The following CDC6 variants were observed in gnomAD, a reference collection of about 807,000 sequenced individuals.
CDC6 encodes DNA replication factor CDC6.
A neutral mutation model predicts 60.2 loss-of-function variants in CDC6; 46 were observed. The ratio of observed to expected loss-of-function variants is 0.76; its 90% CI spans 0.60 to 0.98. CDC6 has a LOEUF of 0.98. CDC6 is among the 50% of genes least tolerant of loss of function. The pLI is 0.00. For missense variants in CDC6, 596 were observed against 652.9 expected, an observed-to-expected ratio of 0.91 and a Z score of 0.95; for synonymous variants, 210 against 233.2, an observed-to-expected ratio of 0.90 and a Z score of 0.90.
Position 40,293,641 on chromosome 17 carries a change from G to T in CDC6, c.836+10G>T. The T allele has an allele frequency of 6.2e-7, 1 of 1,601,958 alleles. No individual in the cohort carries two copies. Among genetic ancestry groups the T allele is most frequent in the Non-Finnish European group, 8.6e-7 (1 of 1,168,956 alleles). On this transcript the variant is annotated intron_variant, in intron 5 of 11. Transcript: ENST00000209728. ...AGAAGGGCCCCATGATGTAAGTATT[G>T]TTCTGCTTCATGTTGCTCTGTGAAA...
Position 40,291,506 on chromosome 17 carries a change from A to C in CDC6, c.498A>C (p.Thr166=), listed in dbSNP as rs762790451. ...CYQQAKLVLN[T]AVPDRLPARE... is the part of the protein sequence containing the mutation. ...AGCAAGCAAAGCTGGTCCTGAACACAGCTGTCCCAGATCGGCTGCCTGCCA... is the reference window on the plus strand; with the variant it reads ...AGCAAGCAAAGCTGGTCCTGAACACCGCTGTCCCAGATCGGCTGCCTGCCA... Residue 166 remains threonine (T), a synonymous_variant, in exon 4 of 12, where the codon ACA becomes ACC. Transcript: ENST00000209728. 5.6e-6 allele frequency: 9 copies of C among 1,614,244 alleles called. No homozygotes were observed. In the Admixed American group the frequency reaches 1.3e-4, roughly 24 times the overall value.
chr17:40,290,646 T>A (rs1453690407), intron 2 of CDC6, among the ~76,000 whole-genome samples: 1 of 152,176 alleles, frequency 6.6e-6, no homozygotes, highest in Non-Finnish European at 1.5e-5. Context: ...ACATATACTG[T>A]GTTTTTGATT....
chr17:40,296,052 A>G (rs1210752650), intron 8 of CDC6, among the ~76,000 whole-genome samples: 1 of 152,130 alleles, frequency 6.6e-6, no homozygotes, highest in Non-Finnish European at 1.5e-5. Flanking sequence ...CAGAAGACCC[A>G]GGTCTGGCTT....
In CDC6 at chr17:40,297,046, A is replaced by G. The variant is rs374754778; in HGVS notation, c.1249+279A>G. ...GCTCTGGAAATGAAACTTGTAGACA[A>G]TGAGGTTGGATCAGCTCTCTGGGTG... On this transcript the variant is annotated intron_variant, in intron 9 of 11. Coordinates refer to ENST00000209728, the MANE Select transcript of CDC6 (RefSeq NM_001254.4). Among the ~76,000 whole-genome samples, 104 of 152,278 alleles carry G rather than the reference A, an allele frequency of 6.8e-4. No homozygotes were observed. Among genetic ancestry groups the G allele is most frequent in the Non-Finnish European group, 1.0e-3 (68 of 68,018 alleles).
intron 7 of CDC6, among the ~76,000 whole-genome samples, chr17:40,294,743 T>A (rs1217972013): frequency 6.6e-6 from 1 of 151,468 alleles, no homozygotes; most frequent in Admixed American, 6.6e-5. Context: ...TTTTTTTTTT[T>A]AGATGAGTTT....
chr17:40,292,993 C>G (rs1158623470), intron 4 of CDC6, among the ~76,000 whole-genome samples: 1 of 151,356 alleles, frequency 6.6e-6, no homozygotes, highest in African/African-American at 2.4e-5. Flanking sequence ...AATTCCAACA[C>G]TTTGGGAGGC....
chr17:40,300,947 T>G lies in CDC6; in HGVS notation c.1369T>G (p.Phe457Val). Residue 457 changes from phenylalanine (F) to valine (V), a missense_variant, in exon 10 of 12, where the codon TTC becomes GTC. Phe to Val is a conservative substitution (Grantham distance 50, BLOSUM62 -1). Coordinates refer to ENST00000209728, the MANE Select transcript of CDC6 (RefSeq NM_001254.4). ...TLSQEGAQDS[F>V]PLQQKILVCS... The stretch of plus-strand genomic sequence containing the variant: ...GAGCCAAGAAGGAGCACAAGATTCC[T>G]TCCCTCTTCAGCAGAAGATCTTGGT... 6.2e-7 allele frequency: 1 copy of G among 1,613,940 alleles called. No homozygotes were observed. Among genetic ancestry groups the G allele is most frequent in the Non-Finnish European group, 8.5e-7 (1 of 1,179,786 alleles).
At chr17:40,297,476 TG>T (rs2032874964) in intron 9 of CDC6, among the ~76,000 whole-genome samples, 2 of 151,922 alleles carry the variant, frequency 1.3e-5, no homozygotes, top group South Asian at 2.1e-4. Flanking sequence ...CGGAGGCTGT[TG>T]GGGGTGGAGG....
Position 40,291,605 on chromosome 17 carries a change from C to G in CDC6, c.597C>G (p.Tyr199Ter), listed in dbSNP as rs200468440. ...HICGKKAGSL[Y>*]LSGAPGTGKT... is the part of the protein sequence containing the mutation. The stretch of plus-strand genomic sequence containing the variant: ...GTGGGAAAAAAGCTGGAAGCCTTTA[C>G]CTTTCTGGTGCTCCTGGAACTGGAA... The change falls in exon 4 of 12, where the codon TAC becomes TAG. Residue 199 changes from tyrosine to a stop codon, truncating the protein, a stop_gained. Coordinates refer to ENST00000209728, the MANE Select transcript of CDC6 (RefSeq NM_001254.4). LOFTEE classifies it high-confidence loss of function. 134 of 1,614,224 alleles carry G rather than the reference C, an allele frequency of 8.3e-5. No homozygotes were observed. The highest frequency in any genetic ancestry group is 1.1e-4 in the Non-Finnish European group (127 of 1,180,036).
chr17:40,293,698 A>G lies in CDC6; in HGVS notation c.836+67A>G. The G allele has an allele frequency of 4.0e-6, 5 of 1,240,992 alleles. No individual in the cohort carries two copies. The South Asian group carries it at 4.9e-5, about 12-fold the overall frequency. The allele number at this position is 1,240,992 out of a possible 1,614,324, so 76.9% of individuals were successfully genotyped here. ...AAGGTCTGTTGCCCATAAAAAGTAC[A>G]TTTTGTATATTTTCTCTCTGAAGGA... On this transcript the variant is annotated intron_variant, in intron 5 of 11. Coordinates refer to ENST00000209728, the MANE Select transcript of CDC6 (RefSeq NM_001254.4).
rs1314209577 is a variant in CDC6, at chr17:40,304,081, A to G, written c.*2080A>G. On this transcript the variant is annotated 3_prime_UTR_variant, in exon 12 of 12. Coordinates refer to ENST00000209728, the MANE Select transcript of CDC6 (RefSeq NM_001254.4). ...ACATTGGTAGATTCAAAGGGGCCAA[A>G]TTTCTTTCCCCTCTATCTTTCCCTT... 1 of 152,226 alleles carries G rather than the reference A, an allele frequency of 6.6e-6. No individual in the cohort carries two copies. Among genetic ancestry groups the G allele is most frequent in the Non-Finnish European group, 1.5e-5 (1 of 68,044 alleles). 9.4% of individuals were successfully genotyped at this position (152,226 alleles called of 1,614,324 possible). A position where few individuals can be genotyped will look rare whatever the true frequency, so the allele number is the denominator to read the frequency against.
At position 40,301,990 on chromosome 17, in the gene CDC6, G is replaced by T; in HGVS notation, c.1672G>T (p.Gly558Ter). ...TTTAATTGGAAATATCTTAGCTACTGGATTGCCTTAAATTCTTCTCTTACA... is the reference window on the plus strand; with the variant it reads ...TTTAATTGGAAATATCTTAGCTACTTGATTGCCTTAAATTCTTCTCTTACA... ...KALIGNILAT[G>*]LP The change falls in exon 12 of 12, where the codon GGA (glycine) becomes TGA (stop). Residue 558 changes from glycine to a stop codon, truncating the protein, a stop_gained. Transcript: ENST00000209728. LOFTEE classifies it high-confidence loss of function. 1 of 1,576,810 alleles carries T rather than the reference G, an allele frequency of 6.3e-7. No homozygotes were observed. The highest frequency in any genetic ancestry group is 8.7e-7 in the Non-Finnish European group (1 of 1,146,126).
At position 40,292,996 on chromosome 17, in the gene CDC6, T is replaced by C. The variant is rs369425312; in HGVS notation, c.661-460T>C. 1.8e-3 allele frequency among the ~76,000 whole-genome samples: 271 copies of C among 151,678 alleles called. 1 individual carries two copies. The highest frequency in any genetic ancestry group is 6.2e-3 in the African/African-American group (258 of 41,296). ...GCTCACACCTGTAATTCCAACACTT[T>C]GGGAGGCTGAGGCAGGTGGATCACC... On this transcript the variant is annotated intron_variant, in intron 4 of 11. Transcript: ENST00000209728.
At chr17:40,296,469 G>C (rs1345613953) in intron 8 of CDC6, among the ~76,000 whole-genome samples, 1 of 152,108 alleles carries the variant, frequency 6.6e-6, no homozygotes. Flanking sequence ...AAGCAATTAA[G>C]TCCCCTTATC....
chr17:40,291,822 T>C (rs1425076093), intron 4 of CDC6, among the ~76,000 whole-genome samples, 154 bp downstream of exon 4: 2 of 152,222 alleles, frequency 1.3e-5, no homozygotes, highest in African/African-American at 2.4e-5. Flanking sequence ...CTCGGCTCAC[T>C]GCAAGCTCTG....
At chr17:40,296,575 G>A (rs1057025406) in intron 8 of CDC6, 128 bp from the exon 9 acceptor site, 5 of 683,230 alleles carry the variant, frequency 7.3e-6, no homozygotes, top group African/African-American at 1.8e-5. Flanking sequence ...AACCATGTTA[G>A]CCTACATGAC....
chr17:40,289,253 A>T (rs1472337328), intron 1 of CDC6, 155 bp from the exon 2 acceptor site: 2 of 681,610 alleles, frequency 2.9e-6, no homozygotes, highest in Non-Finnish European at 5.1e-6. Flanking sequence ...GTTCTTGCAT[A>T]GATTTGGATG....
At chr17:40,301,261 A>G (rs2032936635) in intron 10 of CDC6, among the ~76,000 whole-genome samples, 1 of 152,174 alleles carries the variant, frequency 6.6e-6, no homozygotes, top group Non-Finnish European at 1.5e-5. Context: ...GCATCTCTCT[A>G]GGAAATATAT....
At chr17:40,289,673 G>T in intron 2 of CDC6, 75 bp downstream of exon 2, 4 of 914,480 alleles carry the variant, frequency 4.4e-6, no homozygotes, top group Admixed American at 1.8e-5. Flanking sequence ...TGTGTCCTTT[G>T]AAGGAGCTTT....
Sources: gnomAD v4.1 joint callset for allele counts (sites outside exome capture counted in the v4.1 genomes callset) on GRCh38, gnomAD v4.1.1 for gene constraint, MANE v1.5 for transcripts, NCBI Gene and HGNC (gene_info 2026-07-23, HGNC 2026-07-21) for gene names.